Variants in CORIN observed in about 807,000 individuals in gnomAD.
CORIN encodes the protein corin, serine peptidase.
In CORIN, 117 loss-of-function variants were observed where a neutral mutation model predicts 125.3. The observed-to-expected ratio is 0.93, with a 90% CI of 0.80 to 1.09. The LOEUF is 1.09. CORIN is among the 50% of genes least tolerant of loss of function. CORIN has a pLI of 0.00. For missense variants in CORIN, 1,253 were observed against 1,306.7 expected (o/e 0.96, Z 0.63); for synonymous variants, 450 against 466.4 (o/e 0.96, Z 0.45).
intron 9 of CORIN, among the ~76,000 whole-genome samples, chr4:47,676,792 A>T (rs983951281): frequency 6.6e-5 from 10 of 152,200 alleles, no homozygotes; most frequent in Non-Finnish European, 1.5e-5. Context: ...AAAATCCAAA[A>T]TTATTTCAGA....
At chr4:47,796,665 A>G (rs1577931133) in intron 2 of CORIN, among the ~76,000 whole-genome samples, 1 of 152,126 alleles carries the variant, frequency 6.6e-6, no homozygotes, top group Non-Finnish European at 1.5e-5. Flanking sequence ...ATGATTTCAC[A>G]GGTATATACT....
rs1447339345 is a variant in CORIN at position 47,595,048 on chromosome 4, T to C, written c.*673A>G. ...TTTTATTGCTGTCTTTTATCAGTTC[T>C]CAGAATTATGCAAACATTAGAAGGG... is the stretch of plus-strand genomic sequence containing the variant. On this transcript the variant is annotated 3_prime_UTR_variant, in exon 22 of 22. Coordinates refer to ENST00000273857, the MANE Select transcript of CORIN (RefSeq NM_006587.4). 2.0e-5 allele frequency: 3 copies of C among 152,226 alleles called. No individual in the cohort carries two copies. The highest frequency in any genetic ancestry group is 7.2e-5 in the African/African-American group (3 of 41,478). The allele number at this position is 152,226 out of a possible 1,614,324, so 9.4% of individuals were successfully genotyped here. A position where few individuals can be genotyped will look rare whatever the true frequency, so the allele number is the denominator to read the frequency against.
intron 21 of CORIN, 53 bp downstream of exon 21, chr4:47,600,161 C>A: frequency 6.5e-7 from 1 of 1,532,046 alleles, no homozygotes; most frequent in Non-Finnish European, 8.9e-7. Context: ...TTATAGGAAT[C>A]CACTGAAGTT....
chr4:47,655,077 G>A (rs1182922307), intron 12 of CORIN, among the ~76,000 whole-genome samples: 1 of 152,022 alleles, frequency 6.6e-6, no homozygotes, highest in African/African-American at 2.4e-5. Flanking sequence ...CAACCAAAAG[G>A]GAACCCACTG....
In CORIN at chr4:47,665,258, A is replaced by G. The variant is rs1479418803; in HGVS notation, c.1363T>C (p.Cys455Arg). 1 of 1,605,386 alleles carries G rather than the reference A, an allele frequency of 6.2e-7. No homozygotes were observed. The change falls in exon 11 of 22, where the codon TGT (cysteine) becomes CGT (arginine). Residue 455 changes from cysteine to arginine, a missense_variant. Coordinates refer to ENST00000273857, the MANE Select transcript of CORIN (RefSeq NM_006587.4). ...CAGAGTTCCAATGTAATTGGTTCACATTGACCTAACAAAGAAACATACACA... is the reference window on the plus strand; with the variant it reads ...CAGAGTTCCAATGTAATTGGTTCACGTTGACCTAACAAAGAAACATACACA... The part of the protein sequence containing the change: ...PNNSLNNCSQ[C>R]EPITLELCMN...
chr4:47,791,666 T>C (rs2109927003), intron 2 of CORIN, among the ~76,000 whole-genome samples: 1 of 152,330 alleles, frequency 6.6e-6, no homozygotes, highest in Non-Finnish European at 1.5e-5. Flanking sequence ...AATAGACATA[T>C]ACATATACAC....
intron 5 of CORIN, among the ~76,000 whole-genome samples, chr4:47,739,185 A>T (rs28820100): frequency 0.15 from 22,609 of 152,014 alleles, 2,301 homozygotes; most frequent in African/African-American, 0.28. Context: ...AGAAAAACAT[A>T]CATCTGCATA....
intron 9 of CORIN, among the ~76,000 whole-genome samples, chr4:47,676,765 C>T (rs1725037076): frequency 2.0e-5 from 3 of 152,140 alleles, no homozygotes; most frequent in Non-Finnish European, 4.4e-5. Context: ...TCTACAAAGC[C>T]TGCCATTTCA....
At chr4:47,716,393 G>A (rs1727090816) in intron 5 of CORIN, among the ~76,000 whole-genome samples, 1 of 152,216 alleles carries the variant, frequency 6.6e-6, no homozygotes, top group East Asian at 1.9e-4. Context: ...GAGAGATTGA[G>A]TGATAACTAT....
intron 4 of CORIN, among the ~76,000 whole-genome samples, chr4:47,761,609 G>A (rs2109867596): frequency 6.6e-6 from 1 of 152,288 alleles, no homozygotes; most frequent in Middle Eastern, 3.4e-3. Context: ...AGTGGCGTAA[G>A]TCAGGCACAG....
chr4:47,768,761 G>T (rs143408149), intron 3 of CORIN, among the ~76,000 whole-genome samples: 23 of 152,196 alleles, frequency 1.5e-4, no homozygotes, highest in Non-Finnish European at 2.6e-4. Context: ...AAACACTTGA[G>T]AAAATTAAAC....
chr4:47,821,103 C>T (rs1312354546), intron 1 of CORIN, among the ~76,000 whole-genome samples: 3 of 151,892 alleles, frequency 2.0e-5, no homozygotes, highest in African/African-American at 4.8e-5. Flanking sequence ...GATGTGGTGA[C>T]GTGTGCTTGT....
intron 17 of CORIN, among the ~76,000 whole-genome samples, 170 bp downstream of exon 17, chr4:47,626,235 G>A (rs768254261): frequency 6.6e-6 from 1 of 152,116 alleles, no homozygotes; most frequent in Non-Finnish European, 1.5e-5. Context: ...CTAGAAAGAA[G>A]AAATAAAAGC....
intron 19 of CORIN, among the ~76,000 whole-genome samples, chr4:47,612,977 A>G (rs1194999646): frequency 6.6e-6 from 1 of 152,270 alleles, no homozygotes; most frequent in Non-Finnish European, 1.5e-5. Flanking sequence ...TAGACCTTCA[A>G]GAATCAAGTT....
intron 2 of CORIN, among the ~76,000 whole-genome samples, chr4:47,800,173 T>C (rs1731477890): frequency 6.6e-6 from 1 of 152,116 alleles, no homozygotes; most frequent in Non-Finnish European, 1.5e-5. Context: ...ACTGCAGTGA[T>C]GGTTACATTA....
intron 16 of CORIN, among the ~76,000 whole-genome samples, chr4:47,640,170 T>C (rs1474818719): frequency 1.3e-5 from 2 of 152,174 alleles, no homozygotes; most frequent in African/African-American, 4.8e-5. Flanking sequence ...ATTTTCCAGC[T>C]ATGTTGAGAA....
At chr4:47,668,570 G>T (rs1056378293) in intron 10 of CORIN, among the ~76,000 whole-genome samples, 7 of 152,080 alleles carry the variant, frequency 4.6e-5, no homozygotes, top group Non-Finnish European at 5.9e-5. Context: ...TTACACAATT[G>T]GTTCACTTAC....
At chr4:47,737,288 A>G (rs957193443) in intron 5 of CORIN, among the ~76,000 whole-genome samples, 1 of 152,226 alleles carries the variant, frequency 6.6e-6, no homozygotes, top group African/African-American at 2.4e-5. Flanking sequence ...ACGTGTGATC[A>G]TATATGTGTC....
chr4:47,679,299 C>A (rs964661700), intron 8 of CORIN, among the ~76,000 whole-genome samples: 1 of 151,946 alleles, frequency 6.6e-6, no homozygotes, highest in African/African-American at 2.4e-5. Context: ...AGTATAACAA[C>A]TGTCTGAAGA....
Sources: gnomAD v4.1 joint callset for allele counts (sites outside exome capture counted in the v4.1 genomes callset) on GRCh38, gnomAD v4.1.1 for gene constraint, MANE v1.5 for transcripts, NCBI Gene and HGNC (gene_info 2026-07-23, HGNC 2026-07-21) for gene names.